Variants in CCSER1 observed in about 807,000 individuals in gnomAD.
CCSER1 encodes serine-rich coiled-coil domain-containing protein 1.
Under a neutral mutation model 82.0 loss-of-function variants are expected in CCSER1, and 41 were observed. The observed-to-expected ratio is 0.50, with a 90% CI of 0.39 to 0.65. The LOEUF (loss-of-function observed/expected upper bound fraction) is 0.65. CCSER1 is among the 30% of genes least tolerant of loss of function. The pLI is 0.00. For synonymous variants in CCSER1, 414 were observed against 383.9 expected (o/e 1.08, Z -0.92); for missense variants, 1,119 against 1,064.2 (o/e 1.05, Z -0.72).
At chr4:90,734,527 C>A (rs1416458320) in intron 7 of CCSER1, among the ~76,000 whole-genome samples, 1 of 152,018 alleles carries the variant, frequency 6.6e-6, no homozygotes, top group African/African-American at 2.4e-5. Flanking sequence ...AGAGAGCTTT[C>A]ATTTATTTGG....
intron 4 of CCSER1, among the ~76,000 whole-genome samples, chr4:90,461,477 T>C (rs1762921670): frequency 6.6e-6 from 1 of 152,220 alleles, no homozygotes; most frequent in Non-Finnish European, 1.5e-5. Context: ...GTTTTTAAGT[T>C]TAGAAGGTGT....
chr4:91,490,809 A>G (rs1381180656), intron 10 of CCSER1, among the ~76,000 whole-genome samples: 1 of 129,472 alleles, frequency 7.7e-6, no homozygotes, highest in Non-Finnish European at 1.6e-5. Flanking sequence ...GGTAATAGAT[A>G]CCCCATTTAC....
At chr4:91,245,944 C>A (rs991362640) in intron 10 of CCSER1, among the ~76,000 whole-genome samples, 1 of 152,182 alleles carries the variant, frequency 6.6e-6, no homozygotes, top group Non-Finnish European at 1.5e-5. Flanking sequence ...GATCCACCCA[C>A]CTCGGCCTCC....
intron 1 of CCSER1, among the ~76,000 whole-genome samples, chr4:90,250,894 A>G (rs1722262369): frequency 6.6e-6 from 1 of 152,006 alleles, no homozygotes. Flanking sequence ...TCAGAGTACA[A>G]GTATTGCACT....
intron 10 of CCSER1, among the ~76,000 whole-genome samples, chr4:91,257,472 T>TACACACACAC (rs34423543): frequency 2.1e-3 from 315 of 148,994 alleles, no homozygotes; most frequent in African/African-American, 7.2e-3. Context: ...AATACATACC[T>TACACACACAC]ACACACACAC....
chr4:91,097,542 T>A (rs547154860), intron 10 of CCSER1, among the ~76,000 whole-genome samples: 1 of 152,354 alleles, frequency 6.6e-6, no homozygotes, highest in East Asian at 1.9e-4. Context: ...TTAGATAGTT[T>A]ATACTCTTAT....
chr4:91,404,832 G>T (rs1752587614), intron 10 of CCSER1, among the ~76,000 whole-genome samples: 1 of 152,140 alleles, frequency 6.6e-6, no homozygotes, highest in Admixed American at 6.6e-5. Context: ...GTCAATTTTG[G>T]AATAAGTGCA....
At chr4:91,425,098 T>C (rs142911580) in intron 10 of CCSER1, among the ~76,000 whole-genome samples, 1 of 152,216 alleles carries the variant, frequency 6.6e-6, no homozygotes, top group Non-Finnish European at 1.5e-5. Context: ...AAGAAATTAA[T>C]TTGTTTCTAA....
chr4:91,189,930 G>A (rs1295686527), intron 10 of CCSER1, among the ~76,000 whole-genome samples: 2 of 152,126 alleles, frequency 1.3e-5, no homozygotes, highest in Non-Finnish European at 2.9e-5. Flanking sequence ...AGCAGCAGAG[G>A]AGTCTGCTGC....
intron 9 of CCSER1, among the ~76,000 whole-genome samples, chr4:91,030,363 C>G (rs1740869680): frequency 6.6e-6 from 1 of 152,068 alleles, no homozygotes; most frequent in South Asian, 2.1e-4. Context: ...GCACACATAG[C>G]TATTGAGCAC....
chr4:91,191,899 T>A (rs1320254290), intron 10 of CCSER1, among the ~76,000 whole-genome samples: 1 of 152,178 alleles, frequency 6.6e-6, no homozygotes, highest in Non-Finnish European at 1.5e-5. Context: ...AGAGTTGCTT[T>A]CCATTGCTTG....
chr4:91,208,756 A>G (rs1736554330), intron 10 of CCSER1, among the ~76,000 whole-genome samples: 1 of 151,874 alleles, frequency 6.6e-6, no homozygotes, highest in Admixed American at 6.6e-5. Flanking sequence ...TTCTGTGAAG[A>G]ATGGTAGTTT....
At chr4:90,558,134 G>A (rs930700299) in intron 5 of CCSER1, among the ~76,000 whole-genome samples, 1 of 152,086 alleles carries the variant, frequency 6.6e-6, no homozygotes, top group Non-Finnish European at 1.5e-5. Context: ...AAGCGTCTGA[G>A]ACTACTGATT....
chr4:91,490,654 A>G (rs558787126), intron 10 of CCSER1, among the ~76,000 whole-genome samples: 68 of 151,216 alleles, frequency 4.5e-4, no homozygotes, highest in African/African-American at 1.5e-3. Flanking sequence ...GTTAGGTAGA[A>G]CGAATACGAT....
At chr4:91,393,565 C>T (rs1032303168) in intron 10 of CCSER1, among the ~76,000 whole-genome samples, 17 of 151,956 alleles carry the variant, frequency 1.1e-4, no homozygotes, top group African/African-American at 2.4e-4. Context: ...AATGGATATT[C>T]GTTGTCAATC....
chr4:90,690,532 C>A (rs1056826237), intron 6 of CCSER1, among the ~76,000 whole-genome samples: 1 of 152,064 alleles, frequency 6.6e-6, no homozygotes, highest in African/African-American at 2.4e-5. Flanking sequence ...TTAGGAAAAC[C>A]TATTGTCCTG....
chr4:90,883,348 A>G (rs1298330717), intron 8 of CCSER1, among the ~76,000 whole-genome samples: 1 of 152,096 alleles, frequency 6.6e-6, no homozygotes, highest in African/African-American at 2.4e-5. Context: ...CAAAATATGC[A>G]TATTTACTAA....
intron 10 of CCSER1, among the ~76,000 whole-genome samples, chr4:91,152,004 G>A (rs1035217440): frequency 1.3e-5 from 2 of 152,184 alleles, no homozygotes; most frequent in African/African-American, 4.8e-5. Context: ...TTAGTGCAGA[G>A]CTGAGTTCAA....
intron 10 of CCSER1, among the ~76,000 whole-genome samples, chr4:91,229,166 C>T (rs971498785): frequency 1.3e-5 from 2 of 151,854 alleles, no homozygotes; most frequent in African/African-American, 4.8e-5. Flanking sequence ...AGAACACATT[C>T]GCACACAAAA....
Sources: allele counts gnomAD v4.1 joint callset (sites outside exome capture counted in the v4.1 genomes callset), GRCh38; gene constraint gnomAD v4.1.1; transcripts MANE v1.5; gene names NCBI Gene and HGNC (gene_info 2026-07-23, HGNC 2026-07-21).